The following CACNA1A variants were observed in gnomAD, a reference collection of about 807,000 sequenced individuals.
CACNA1A encodes the protein voltage-dependent P/Q-type calcium channel subunit alpha-1A.
In CACNA1A, 57 loss-of-function variants were observed where a neutral mutation model predicts 262.4. That is an observed-to-expected ratio of 0.22 (90% confidence interval 0.18 to 0.27). The LOEUF (loss-of-function observed/expected upper bound fraction) is 0.27. Ranked by LOEUF, CACNA1A falls within the 10% of genes least tolerant of loss-of-function variation. The pLI is 1.00. For missense variants in CACNA1A, 2,526 were observed against 3,562.8 expected (o/e 0.71, Z 7.41); for synonymous variants, 1,431 against 1,419.3 (o/e 1.01, Z -0.18).
At chr19:13,479,858 T>C (rs190352300) in intron 1 of CACNA1A, among the ~76,000 whole-genome samples, 445 of 152,306 alleles carry the variant, frequency 2.9e-3, no homozygotes, top group Non-Finnish European at 4.0e-3. Context: ...TAATATATAA[T>C]AACATATACT....
chr19:13,344,221 C>CAA (rs35162704), intron 6 of CACNA1A, among the ~76,000 whole-genome samples: 14,665 of 121,200 alleles, frequency 0.12, 1,187 homozygotes, highest in East Asian at 0.36. Flanking sequence ...CTCAAAAAAG[C>CAA]AAAAAAAAAA....
Position 13,298,636 on chromosome 19 carries a change from G to C in CACNA1A, c.2997C>G (p.Gly999=), listed in dbSNP as rs1168125305. 1 of 1,523,992 alleles carries C rather than the reference G, an allele frequency of 6.6e-7. No homozygotes were observed. Among genetic ancestry groups the C allele is most frequent in the Middle Eastern group, 1.7e-4 (1 of 5,898 alleles). 94.4% of individuals were successfully genotyped at this position (1,523,992 alleles called of 1,614,324 possible). A position where few individuals can be genotyped will look rare whatever the true frequency, so the allele number is the denominator to read the frequency against. Reference sequence around the variant, plus strand: ...CATGCCGGTGCCTTCTCCTGCGCTCGCCCCCGTCGGGGCCCTCGCCCTCGC... The same window carrying C: ...CATGCCGGTGCCTTCTCCTGCGCTCCCCCCCGTCGGGGCCCTCGCCCTCGC... ...GEGEGEGPDG[G]ERRRRHRHGA... is the part of the protein sequence containing the mutation. The change falls in exon 19 of 47, where the codon GGC becomes GGG. Residue 999 remains glycine (G), a synonymous_variant. Coordinates refer to ENST00000360228, the MANE Select transcript of CACNA1A (RefSeq NM_001127222.2).
chr19:13,500,390 A>T (rs1401921706), intron 1 of CACNA1A, among the ~76,000 whole-genome samples: 2 of 152,146 alleles, frequency 1.3e-5, no homozygotes, highest in African/African-American at 4.8e-5. Context: ...CACCCAAGAG[A>T]ACCCCTTCTT....
intron 3 of CACNA1A, chr19:13,450,352 A>G (rs1479953574): frequency 6.6e-6 from 1 of 151,910 alleles, no homozygotes; most frequent in Non-Finnish European, 1.5e-5. Flanking sequence ...AGCTCTCCTC[A>G]TGGCTCACTC....
chr19:13,450,139 C>CAAAAAA (rs367559329), intron 3 of CACNA1A, among the ~76,000 whole-genome samples: 102 of 52,146 alleles, frequency 2.0e-3, no homozygotes, highest in African/African-American at 5.6e-3. Context: ...AGACTCTTGT[C>CAAAAAA]AAAAAAAAAA....
intron 1 of CACNA1A, among the ~76,000 whole-genome samples, chr19:13,505,144 TC>T (rs1809481536): frequency 6.6e-6 from 1 of 152,122 alleles, no homozygotes; most frequent in African/African-American, 2.4e-5. Flanking sequence ...CCAGATCAGG[TC>T]TTCCCAGGCC....
chr19:13,471,664 C>G (rs1366665915), intron 1 of CACNA1A, among the ~76,000 whole-genome samples: 2 of 152,126 alleles, frequency 1.3e-5, no homozygotes, highest in Non-Finnish European at 2.9e-5. Flanking sequence ...GTGAAAGAAG[C>G]CAGACACGAA....
chr19:13,259,432 A>G (rs1292409481), intron 27 of CACNA1A, 132 bp downstream of exon 27: 3 of 698,446 alleles, frequency 4.3e-6, no homozygotes, highest in African/African-American at 1.9e-5. Context: ...TTGGCCTCCT[A>G]AAGTGTTGGG....
At chr19:13,228,618 A>T in intron 36 of CACNA1A, 1 of 325,674 alleles carries the variant, frequency 3.1e-6, no homozygotes, top group Non-Finnish European at 5.5e-6. Flanking sequence ...ATATATATAT[A>T]TATATATGAA....
At chr19:13,502,968 C>G (rs1217503151) in intron 1 of CACNA1A, among the ~76,000 whole-genome samples, 1 of 152,168 alleles carries the variant, frequency 6.6e-6, no homozygotes, top group Non-Finnish European at 1.5e-5. Context: ...CGACCTGCAA[C>G]CCTTAGTCAA....
At chr19:13,259,727 G>A (rs963935422) in intron 26 of CACNA1A, 26 bp from the exon 27 acceptor site, 7 of 1,608,444 alleles carry the variant, frequency 4.4e-6, no homozygotes, top group South Asian at 1.1e-5. Flanking sequence ...GGGACTGTTA[G>A]TAAATGGGAA....
chr19:13,281,266 T>C (rs2057282069), intron 22 of CACNA1A, among the ~76,000 whole-genome samples: 1 of 151,208 alleles, frequency 6.6e-6, no homozygotes, highest in African/African-American at 2.4e-5. Flanking sequence ...TGGTCCTAGC[T>C]ACCTGGGGGG....
intron 3 of CACNA1A, among the ~76,000 whole-genome samples, chr19:13,384,664 C>T (rs2059579017): frequency 6.6e-6 from 1 of 152,184 alleles, no homozygotes; most frequent in Non-Finnish European, 1.5e-5. Context: ...CGCACCACTG[C>T]ACTCCAGCCT....
intron 30 of CACNA1A, among the ~76,000 whole-genome samples, chr19:13,250,767 T>C (rs1323029237): frequency 6.6e-6 from 1 of 152,204 alleles, no homozygotes; most frequent in African/African-American, 2.4e-5. Context: ...ATTTTATGCA[T>C]AAAGGCTTGT....
In CACNA1A at chr19:13,322,380, C is replaced by T. The variant is rs1043363553; in HGVS notation, c.1346-5059G>A. 3.3e-5 allele frequency among the ~76,000 whole-genome samples: 5 copies of T among 152,158 alleles called. No homozygotes were observed. The East Asian group carries it at 5.8e-4, about 18-fold the overall frequency. On this transcript the variant is annotated intron_variant, in intron 10 of 46. Transcript: ENST00000360228. ...TCTCCCCTAAAACCTTCTGAGGGAA[C>T]GTGGTGGCTCTGCTGACACCTTGAT...
At chr19:13,463,723 G>A (rs182020292) in intron 1 of CACNA1A, among the ~76,000 whole-genome samples, 1 of 152,338 alleles carries the variant, frequency 6.6e-6, no homozygotes. Flanking sequence ...AAATAGGTTT[G>A]TGTGTCATTT....
chr19:13,303,919 C>A (rs2057843853), intron 15 of CACNA1A, 35 bp from the exon 16 acceptor site: 2 of 1,462,698 alleles, frequency 1.4e-6, no homozygotes, highest in South Asian at 1.2e-5. Flanking sequence ...AGCCAACCCC[C>A]CTCTCAGCCA....
intron 3 of CACNA1A, among the ~76,000 whole-genome samples, chr19:13,449,281 CA>C (rs1453983538): frequency 1.3e-5 from 2 of 151,134 alleles, no homozygotes; most frequent in Admixed American, 1.3e-4. Context: ...ATTAAAAAAA[CA>C]AAAAAACAAA....
intron 34 of CACNA1A, 45 bp from the exon 35 acceptor site, chr19:13,231,905 T>G: frequency 6.3e-7 from 1 of 1,585,480 alleles, no homozygotes; most frequent in South Asian, 1.1e-5. Flanking sequence ...CAGCCCTGAC[T>G]GGGTACCAAC....
Sources: gnomAD v4.1 joint callset for allele counts (sites outside exome capture counted in the v4.1 genomes callset) on GRCh38, gnomAD v4.1.1 for gene constraint, MANE v1.5 for transcripts, NCBI Gene and HGNC (gene_info 2026-07-23, HGNC 2026-07-21) for gene names.